The following PTGER3 variants were observed in gnomAD, a reference collection of about 807,000 sequenced individuals.
The protein encoded by PTGER3 is prostaglandin E2 receptor EP3 subtype.
PTGER3 carries 22 observed loss-of-function variants against 34.7 expected under a neutral mutation model. That is an observed-to-expected ratio of 0.63 (90% CI 0.45 to 0.91). The LOEUF (loss-of-function observed/expected upper bound fraction) is 0.91. Ranked by LOEUF, PTGER3 falls within the 40% of genes least tolerant of loss-of-function variation. The pLI is 0.00. For missense variants in PTGER3, 468 were observed against 519.4 expected (o/e 0.90, Z 0.96); for synonymous variants, 241 against 230.1 (o/e 1.05, Z -0.43).
At chr1:70,989,321 G>T (rs1340129485) in intron 2 of PTGER3, among the ~76,000 whole-genome samples, 1 of 152,166 alleles carries the variant, frequency 6.6e-6, no homozygotes, top group Non-Finnish European at 1.5e-5. Context: ...ATAAATGTAT[G>T]TCAAAGTGTT....
intron 3 of PTGER3, chr1:70,953,728 A>G (rs1419095671): frequency 6.5e-7 from 1 of 1,537,998 alleles, no homozygotes; most frequent in Non-Finnish European, 8.8e-7. Flanking sequence ...TTGGATTCAA[A>G]TGCAACTAGT....
At chr1:70,967,869 A>G (rs960217828), downstream of PTGER3, among the ~76,000 whole-genome samples, 3 of 152,188 alleles carry the variant, frequency 2.0e-5, no homozygotes, top group African/African-American at 7.2e-5. Context: ...GAATTTTCAT[A>G]TATTCTGTGG....
intron 1 of PTGER3, among the ~76,000 whole-genome samples, chr1:71,025,161 CTTCT>C (rs1460515592): frequency 1.2e-4 from 18 of 148,852 alleles, no homozygotes; most frequent in African/African-American, 3.2e-4. Flanking sequence ...TCCTTCCTTC[CTTCT>C]TTCCTTCCTT....
At chr1:71,023,867 A>C (rs1658648100) in intron 1 of PTGER3, among the ~76,000 whole-genome samples, 1 of 151,540 alleles carries the variant, frequency 6.6e-6, no homozygotes, top group South Asian at 2.1e-4. Context: ...TACACCCCCA[A>C]TTGACCATAA....
At chr1:70,890,710 C>T (rs1646598130) in intron 4 of PTGER3, among the ~76,000 whole-genome samples, 1 of 152,168 alleles carries the variant, frequency 6.6e-6, no homozygotes, top group South Asian at 2.1e-4. Context: ...CCCTCCCTGA[C>T]CTATCCTTCA....
chr1:70,968,090 GT>G (rs776605123), downstream of PTGER3, among the ~76,000 whole-genome samples: 58 of 152,262 alleles, frequency 3.8e-4, no homozygotes, highest in Non-Finnish European at 6.5e-4. Context: ...GCACAGCTGA[GT>G]TTTTTGTTTA....
chr1:70,968,982 G>A (rs988601579), downstream of PTGER3, among the ~76,000 whole-genome samples: 1 of 152,050 alleles, frequency 6.6e-6, no homozygotes, highest in African/African-American at 2.4e-5. Context: ...TGAGGCGAGT[G>A]GATCACTTAA....
intron 1 of PTGER3, among the ~76,000 whole-genome samples, chr1:71,026,452 A>G (rs8179367): frequency 0.37 from 56,738 of 151,966 alleles, 11,503 homozygotes; most frequent in South Asian, 0.47. Flanking sequence ...AGGAAATCGG[A>G]CTTTAAAAAC....
chr1:70,872,870 G>A (rs146260171), intron 4 of PTGER3, among the ~76,000 whole-genome samples: 1,803 of 152,116 alleles, frequency 0.012, 48 homozygotes, highest in Non-Finnish European at 0.014. Flanking sequence ...TTGTCCACTG[G>A]GTACCATTAA....
rs200351355 is a variant in PTGER3 at position 71,025,153 on chromosome 1, C to CT, written c.898-12670dup. Among the ~76,000 whole-genome samples, 58 of 148,486 alleles carry CT rather than the reference C, an allele frequency of 3.9e-4. No homozygotes were observed. The East Asian group carries it at 0.011, about 29-fold the overall frequency. Reference sequence around the variant, plus strand: ...AGGCCCTTCCTTCCTTCCTTCCTTCCTTCCTTCCTTCTTTCCTTCCTTTTT... The same window carrying CT: ...AGGCCCTTCCTTCCTTCCTTCCTTCCTTTCCTTCCTTCTTTCCTTCCTTTTT... On this transcript the variant is annotated intron_variant, in intron 1 of 3. Transcript: ENST00000306666.
intron 2 of PTGER3, among the ~76,000 whole-genome samples, chr1:70,984,012 T>G (rs1254358230): frequency 6.6e-6 from 1 of 152,096 alleles, no homozygotes; most frequent in Admixed American, 6.6e-5. Context: ...ACCTTTGGGT[T>G]GAGTATAGAA....
intron 1 of PTGER3, among the ~76,000 whole-genome samples, chr1:71,041,422 TAC>T (rs1245528958): frequency 6.6e-6 from 1 of 152,176 alleles, no homozygotes; most frequent in Non-Finnish European, 1.5e-5. Context: ...AAATTCCAAG[TAC>T]AGTTTCTACT....
intron 2 of PTGER3, among the ~76,000 whole-genome samples, chr1:70,997,676 C>T (rs1448198579): frequency 6.6e-6 from 1 of 152,096 alleles, no homozygotes; most frequent in African/African-American, 2.4e-5. Context: ...ACATAGAAAT[C>T]ATGAAATTCT....
intron 1 of PTGER3, among the ~76,000 whole-genome samples, chr1:71,020,631 CAA>C (rs201545734): frequency 0.014 from 2,150 of 151,218 alleles, 26 homozygotes; most frequent in Middle Eastern, 0.038. Context: ...AGAAAAATTA[CAA>C]AGTTAGAAGA....
At chr1:70,977,244 A>G (rs1336966305) in intron 2 of PTGER3, among the ~76,000 whole-genome samples, 1 of 152,082 alleles carries the variant, frequency 6.6e-6, no homozygotes, top group Non-Finnish European at 1.5e-5. Flanking sequence ...GACTCCAGAA[A>G]CATAGCTCAT....
chr1:70,903,455 T>G (rs1646882159), intron 4 of PTGER3, among the ~76,000 whole-genome samples: 1 of 152,230 alleles, frequency 6.6e-6, no homozygotes, highest in South Asian at 2.1e-4. Context: ...AATTTTATTT[T>G]ATTCTCATGA....
At chr1:71,042,577 T>G (rs893368107) in intron 1 of PTGER3, among the ~76,000 whole-genome samples, 4 of 152,158 alleles carry the variant, frequency 2.6e-5, no homozygotes, top group African/African-American at 9.7e-5. Flanking sequence ...CAATGTGGAT[T>G]CATATGTTTA....
At chr1:70,928,411 T>C (rs1432557651) in intron 4 of PTGER3, among the ~76,000 whole-genome samples, 1 of 151,436 alleles carries the variant, frequency 6.6e-6, no homozygotes, top group Non-Finnish European at 1.5e-5. Context: ...GGGGGAAAGA[T>C]CACTTCAGCC....
intron 1 of PTGER3, among the ~76,000 whole-genome samples, chr1:71,038,133 A>G (rs1359349874): frequency 6.6e-6 from 1 of 152,190 alleles, no homozygotes; most frequent in East Asian, 1.9e-4. Flanking sequence ...AACATTAATC[A>G]CACACTTCTT....
Sources: gnomAD v4.1 joint callset for allele counts (sites outside exome capture counted in the v4.1 genomes callset) on GRCh38, gnomAD v4.1.1 for gene constraint, MANE v1.5 for transcripts, NCBI Gene and HGNC (gene_info 2026-07-23, HGNC 2026-07-21) for gene names.